IL17B: variants seen among roughly 807,000 people sequenced by gnomAD.
IL17B encodes interleukin-17B.
In IL17B, 14 loss-of-function variants were observed where a neutral mutation model predicts 14.7. The ratio of observed to expected loss-of-function variants is 0.95; its 90% CI spans 0.63 to 1.49. The LOEUF (loss-of-function observed/expected upper bound fraction) is 1.49. Among genes scored for constraint, IL17B ranks in the 40% most tolerant of loss-of-function variants. The pLI, the probability that IL17B is intolerant of heterozygous loss-of-function variation, is 0.00. For missense variants in IL17B, 233 were observed against 252.8 expected (o/e 0.92, Z 0.53); for synonymous variants, 105 against 94.8 (o/e 1.11, Z -0.62).
intron 1 of IL17B, among the ~76,000 whole-genome samples, chr5:149,402,680 C>A (rs1759228881): frequency 7.0e-6 from 1 of 142,712 alleles, no homozygotes; most frequent in African/African-American, 2.7e-5. Flanking sequence ...TTCTTTAATA[C>A]CATGCTTTTA....
At position 149,374,375 on chromosome 5, in the gene IL17B, G is replaced by C; in HGVS notation, c.537C>G (p.Ile179Met). 6.4e-7 allele frequency: 1 copy of C among 1,567,212 alleles called. No individual in the cohort carries two copies. Among genetic ancestry groups the C allele is most frequent in the African/African-American group, 1.3e-5 (1 of 74,528 alleles). ...METIAVGCTC[I>M]F ...GGCTTCTGGGCCAGGTGATTCAGAA[G>C]ATGCAGGTGCAGCCCACAGCGATGG... Residue 179 changes from isoleucine to methionine, a missense_variant, in exon 3 of 3, where the codon ATC (isoleucine) becomes ATG (methionine). By Grantham distance (10) the Ile-to-Met change is conservative (BLOSUM62 1). Coordinates refer to ENST00000261796, the MANE Select transcript of IL17B (RefSeq NM_014443.3). The surrounding 1 kb of genome is among the most constrained non-coding windows in gnomAD (Gnocchi z 5.0).
At chr5:149,402,172 T>C (rs1759217087) in intron 1 of IL17B, among the ~76,000 whole-genome samples, 1 of 152,158 alleles carries the variant, frequency 6.6e-6, no homozygotes, top group African/African-American at 2.4e-5. Context: ...ATCAGTGCAC[T>C]GACCATGGTG....
At chr5:149,378,850 C>T (rs1056143096) in intron 1 of IL17B, among the ~76,000 whole-genome samples, 1 of 152,246 alleles carries the variant, frequency 6.6e-6, no homozygotes, top group African/African-American at 2.4e-5. Context: ...CCCTCACTCT[C>T]CAGATGGGAC....
At chr5:149,378,381 C>A (rs1420124912) in intron 1 of IL17B, among the ~76,000 whole-genome samples, 1 of 152,184 alleles carries the variant, frequency 6.6e-6, no homozygotes, top group East Asian at 1.9e-4. Context: ...ACCAGAGTAT[C>A]AGGAAAGCCT....
chr5:149,381,399 A>C (rs185240240), upstream of IL17B, among the ~76,000 whole-genome samples: 74 of 152,172 alleles, frequency 4.9e-4, no homozygotes, highest in African/African-American at 1.6e-3. Flanking sequence ...CCCTCCTCCC[A>C]CCCATTTTAC....
At chr5:149,397,317 C>T (rs1358958261) in intron 1 of IL17B, among the ~76,000 whole-genome samples, 1 of 152,078 alleles carries the variant, frequency 6.6e-6, no homozygotes, top group African/African-American at 2.4e-5. Context: ...TATAGATGCC[C>T]GCCATCAGGC....
intron 1 of IL17B, among the ~76,000 whole-genome samples, chr5:149,387,569 G>A (rs1417045758): frequency 1.3e-5 from 2 of 152,114 alleles, no homozygotes; most frequent in African/African-American, 2.4e-5. Flanking sequence ...AGGAGTTCAA[G>A]ATGAGTTCTG....
At chr5:149,380,769 A>C (rs1380664751), upstream of IL17B, among the ~76,000 whole-genome samples, 1 of 152,154 alleles carries the variant, frequency 6.6e-6, no homozygotes, top group Non-Finnish European at 1.5e-5. Flanking sequence ...GTCCGAGGGG[A>C]AGAAGGCAGG....
chr5:149,392,973 C>T (rs62380281), intron 1 of IL17B, among the ~76,000 whole-genome samples: 60 of 136,148 alleles, frequency 4.4e-4, no homozygotes, highest in East Asian at 1.2e-3. Flanking sequence ...TGTGTGCGCG[C>T]GTGCGTGTGT....
intron 1 of IL17B, among the ~76,000 whole-genome samples, chr5:149,394,924 G>T (rs1759060396): frequency 6.6e-6 from 1 of 151,920 alleles, no homozygotes; most frequent in Admixed American, 6.6e-5. Flanking sequence ...TGTTATATAG[G>T]TAAATTTTGT....
At chr5:149,382,415 G>A (rs537460856), upstream of IL17B, among the ~76,000 whole-genome samples, 1 of 152,334 alleles carries the variant, frequency 6.6e-6, no homozygotes, top group South Asian at 2.1e-4. Flanking sequence ...TTGGCACCTG[G>A]ACACCTTAAT....
intron 1 of IL17B, among the ~76,000 whole-genome samples, chr5:149,386,641 G>C (rs1581390991): frequency 6.6e-6 from 1 of 152,202 alleles, no homozygotes; most frequent in Non-Finnish European, 1.5e-5. Context: ...GAGAGTTATT[G>C]AGGAGGGTTC....
chr5:149,396,038 C>A lies in IL17B; in HGVS notation n.95+8070G>T, dbSNP rs74336036. On this transcript the variant is annotated intron_variant and non_coding_transcript_variant, in intron 1 of 2. Coordinates refer to the IL17B transcript ENST00000505432. ...ACTGAAGTTGTCGTTGTTGCCATAT[C>A]TTGTGGCCAATCCACTCATCTGAAT... 6.0e-3 allele frequency among the ~76,000 whole-genome samples: 910 copies of A among 152,354 alleles called. 11 individuals carry two copies. Among genetic ancestry groups the A allele is most frequent in the African/African-American group, 0.021 (861 of 41,584 alleles).
At chr5:149,389,554 T>G (rs1273047539) in intron 1 of IL17B, among the ~76,000 whole-genome samples, 1 of 152,236 alleles carries the variant, frequency 6.6e-6, no homozygotes, top group East Asian at 1.9e-4. Flanking sequence ...AGAATCTACT[T>G]CCTTTAATCC....
intron 1 of IL17B, among the ~76,000 whole-genome samples, chr5:149,393,018 CGT>C (rs1332834217): frequency 8.0e-5 from 12 of 149,494 alleles, no homozygotes; most frequent in African/African-American, 2.0e-4. Flanking sequence ...TGCATGTCTG[CGT>C]GTGTGTGGGC....
At chr5:149,378,042 G>C (rs1233615664) in intron 1 of IL17B, among the ~76,000 whole-genome samples, 3 of 152,138 alleles carry the variant, frequency 2.0e-5, no homozygotes, top group Non-Finnish European at 4.4e-5. Flanking sequence ...TACTTGGGAG[G>C]CTGAGGCAGG....
At chr5:149,388,483 T>C (rs2127620390) in intron 1 of IL17B, among the ~76,000 whole-genome samples, 1 of 152,334 alleles carries the variant, frequency 6.6e-6, no homozygotes, top group Non-Finnish European at 1.5e-5. Context: ...TACTATTGTA[T>C]ATGCTCCCCA....
intron 1 of IL17B, among the ~76,000 whole-genome samples, chr5:149,398,698 G>C (rs1759145492): frequency 6.6e-6 from 1 of 152,238 alleles, no homozygotes. Flanking sequence ...TCTGAGGTCA[G>C]GAGTTCGAGA....
intron 1 of IL17B, 66 bp downstream of exon 1, chr5:149,379,139 A>C: frequency 1.9e-6 from 3 of 1,594,596 alleles, no homozygotes; most frequent in Admixed American, 3.3e-5. Context: ...AATAAATAGG[A>C]AAGAAAAACT....
Sources: allele counts gnomAD v4.1 joint callset (sites outside exome capture counted in the v4.1 genomes callset), GRCh38; gene constraint gnomAD v4.1.1; non-coding constraint Gnocchi (gnomAD v3.1); transcripts MANE v1.5; gene names NCBI Gene and HGNC (gene_info 2026-07-23, HGNC 2026-07-21).